Variants in CNTN5 observed in about 807,000 individuals in gnomAD.
CNTN5 encodes the protein contactin 5.
A neutral mutation model predicts 129.1 loss-of-function variants in CNTN5; 77 were observed. The ratio of observed to expected loss-of-function variants is 0.60; its 90% CI spans 0.50 to 0.72. CNTN5 has a LOEUF of 0.72. CNTN5 is among the 30% of genes least tolerant of loss of function. CNTN5 has a pLI of 0.00. For missense variants in CNTN5, 1,478 were observed against 1,328.8 expected (o/e 1.11, Z -1.75); for synonymous variants, 509 against 465.6 (o/e 1.09, Z -1.20).
At chr11:100,263,747 C>A (rs1167243875) in intron 17 of CNTN5, among the ~76,000 whole-genome samples, 1 of 152,138 alleles carries the variant, frequency 6.6e-6, no homozygotes, top group Admixed American at 6.6e-5. Flanking sequence ...AGTATGACAG[C>A]TTAAATCTTT....
chr11:99,943,675 T>C (rs1314215006), intron 7 of CNTN5, among the ~76,000 whole-genome samples: 1 of 152,172 alleles, frequency 6.6e-6, no homozygotes, highest in African/African-American at 2.4e-5. Context: ...AGGTTTTATG[T>C]TTAAGTCTTT....
At chr11:99,382,845 C>A (rs74240236) in intron 2 of CNTN5, among the ~76,000 whole-genome samples, 2 of 77,032 alleles carry the variant, frequency 2.6e-5, no homozygotes, top group African/African-American at 1.2e-4. Flanking sequence ...CTCTAAATAA[C>A]TTTTTTTTTT....
At chr11:99,889,320 G>GTGTT (rs1565642627) in intron 6 of CNTN5, among the ~76,000 whole-genome samples, 2 of 142,604 alleles carry the variant, frequency 1.4e-5, no homozygotes, top group Admixed American at 7.1e-5. Context: ...GTGTGTGTGT[G>GTGTT]TGTGTGTGTG....
At chr11:99,515,661 C>G (rs2466910) in intron 2 of CNTN5, among the ~76,000 whole-genome samples, 149,729 of 152,104 alleles carry the variant, frequency 0.98, 73,749 homozygotes, top group East Asian at 1. Context: ...TAGTTAATTA[C>G]TAATCAGTTT....
intron 8 of CNTN5, among the ~76,000 whole-genome samples, chr11:99,981,942 C>T (rs1033248438): frequency 6.6e-6 from 1 of 152,126 alleles, no homozygotes; most frequent in Non-Finnish European, 1.5e-5. Context: ...AAATTGCAGT[C>T]ATACAACTTT....
intron 1 of CNTN5, among the ~76,000 whole-genome samples, chr11:99,086,137 C>T (rs761649975): frequency 3.9e-5 from 6 of 152,132 alleles, no homozygotes; most frequent in Non-Finnish European, 5.9e-5. Context: ...TGTATTCATT[C>T]ATTCGTCTAC....
chr11:99,159,856 TA>T (rs1398015754), intron 1 of CNTN5, among the ~76,000 whole-genome samples: 1 of 152,206 alleles, frequency 6.6e-6, no homozygotes, highest in African/African-American at 2.4e-5. Flanking sequence ...TGAAGTTGTT[TA>T]ATGATTAATG....
At chr11:99,657,405 C>T (rs998401430) in intron 3 of CNTN5, among the ~76,000 whole-genome samples, 11 of 152,000 alleles carry the variant, frequency 7.2e-5, no homozygotes, top group African/African-American at 2.7e-4. Context: ...ACCGGAAGTA[C>T]ACATTGGGCA....
At chr11:99,831,135 A>G (rs1242371660) in intron 4 of CNTN5, among the ~76,000 whole-genome samples, 1 of 152,204 alleles carries the variant, frequency 6.6e-6, no homozygotes, top group African/African-American at 2.4e-5. Context: ...ATTTTAAATC[A>G]TGATAACTAG....
At chr11:99,028,689 T>C (rs1271079256) in intron 1 of CNTN5, among the ~76,000 whole-genome samples, 1 of 148,186 alleles carries the variant, frequency 6.7e-6, no homozygotes, top group South Asian at 2.2e-4. Context: ...TAATCTCTCA[T>C]GGTATAGCCA....
chr11:99,024,351 C>G (rs1052257918), intron 1 of CNTN5, among the ~76,000 whole-genome samples: 1 of 151,892 alleles, frequency 6.6e-6, no homozygotes, highest in Non-Finnish European at 1.5e-5. Flanking sequence ...TTGAATGACA[C>G]AAAATATAGT....
intron 2 of CNTN5, among the ~76,000 whole-genome samples, chr11:99,509,080 A>T (rs1039575298): frequency 6.6e-6 from 1 of 152,194 alleles, no homozygotes; most frequent in Non-Finnish European, 1.5e-5. Context: ...CACAGATATG[A>T]TATGGGGGGA....
At chr11:99,180,145 T>G (rs1264481416) in intron 1 of CNTN5, among the ~76,000 whole-genome samples, 1 of 152,130 alleles carries the variant, frequency 6.6e-6, no homozygotes, top group Non-Finnish European at 1.5e-5. Flanking sequence ...TAAATGGCAA[T>G]GCAGATGTAA....
At chr11:99,124,502 C>T (rs747790153) in intron 1 of CNTN5, among the ~76,000 whole-genome samples, 6 of 151,854 alleles carry the variant, frequency 4.0e-5, no homozygotes, top group African/African-American at 1.2e-4. Flanking sequence ...TAAACGCCCA[C>T]ATTAAAAAGT....
chr11:100,289,418 C>A (rs1216093), intron 18 of CNTN5, among the ~76,000 whole-genome samples: 12 of 149,454 alleles, frequency 8.0e-5, no homozygotes, highest in East Asian at 3.9e-4. Flanking sequence ...ACCATGATCA[C>A]GTGGGCTTCA....
intron 13 of CNTN5, among the ~76,000 whole-genome samples, chr11:100,148,085 C>A (rs917452941): frequency 1.3e-5 from 2 of 152,146 alleles, no homozygotes; most frequent in Non-Finnish European, 2.9e-5. Context: ...TACTTGTTCA[C>A]AGGCTCTAGC....
chr11:100,262,541 A>C (rs1950220426), intron 17 of CNTN5, among the ~76,000 whole-genome samples: 1 of 152,218 alleles, frequency 6.6e-6, no homozygotes. Flanking sequence ...GAACCAACCC[A>C]AATGCCCATC....
intron 1 of CNTN5, among the ~76,000 whole-genome samples, chr11:99,088,935 C>T (rs934259533): frequency 3.3e-5 from 5 of 152,128 alleles, no homozygotes; most frequent in Non-Finnish European, 7.4e-5. Context: ...ATATATGATA[C>T]AGTTATTAGT....
chr11:100,054,798 C>T (rs1399056220), intron 9 of CNTN5, among the ~76,000 whole-genome samples: 1 of 151,662 alleles, frequency 6.6e-6, no homozygotes, highest in Non-Finnish European at 1.5e-5. Flanking sequence ...ATTTATATCT[C>T]ATTCATGTAA....
Sources: allele counts gnomAD v4.1 joint callset (sites outside exome capture counted in the v4.1 genomes callset), GRCh38; gene constraint gnomAD v4.1.1; transcripts MANE v1.5; gene names NCBI Gene and HGNC (gene_info 2026-07-23, HGNC 2026-07-21).